The following SLC13A2 variants were observed in gnomAD, a reference collection of about 807,000 sequenced individuals.
The protein encoded by SLC13A2 is solute carrier family 13 member 2.
SLC13A2 carries 40 observed loss-of-function variants against 58.5 expected under a neutral mutation model. The ratio of observed to expected loss-of-function variants is 0.68; its 90% CI spans 0.53 to 0.89. The LOEUF (loss-of-function observed/expected upper bound fraction) is 0.89, where lower values mean the gene tolerates loss of function less well. SLC13A2 is among the 40% of genes least tolerant of loss of function. The pLI, the probability that SLC13A2 is intolerant of heterozygous loss-of-function variation, is 0.00. For missense variants in SLC13A2, 694 were observed against 772.6 expected (o/e 0.90, Z 1.21); for synonymous variants, 341 against 331.6 (o/e 1.03, Z -0.31).
At chr17:28,481,497 A>G (rs2068785932) in intron 1 of SLC13A2, among the ~76,000 whole-genome samples, 1 of 152,224 alleles carries the variant, frequency 6.6e-6, no homozygotes. Context: ...CAGGGAAGCC[A>G]TAGGCGGCTA....
At chr17:28,475,600 G>A (rs916105222) in intron 1 of SLC13A2, among the ~76,000 whole-genome samples, 3 of 152,110 alleles carry the variant, frequency 2.0e-5, no homozygotes, top group Admixed American at 6.5e-5. Context: ...CACCACAAGC[G>A]CACTTTCTCT....
chr17:28,497,244 C>G lies in SLC13A2; in HGVS notation c.1754C>G (p.Ala585Gly). Residue 585 changes from alanine to glycine, a missense_variant, in exon 12 of 12, where the codon GCC becomes GGC. Coordinates refer to ENST00000314669, the MANE Select transcript of SLC13A2 (RefSeq NM_003984.4). ...NTTAQCLPSL[A>G]NTTTPSP ...ACAGCCCAGTGCCTGCCAAGCCTGG[C>G]CAACACCACCACACCAAGCCCCTAG... 1 of 1,613,990 alleles carries G rather than the reference C, an allele frequency of 6.2e-7. No homozygotes were observed.
Position 28,497,247 on chromosome 17 carries a change from ACAC to A in SLC13A2, c.1764_1766del (p.Thr589del), listed in dbSNP as rs781663669. 20 of 1,613,934 alleles carry A rather than the reference ACAC, an allele frequency of 1.2e-5. No homozygotes were observed. The East Asian group carries it at 4.5e-4, about 36-fold the overall frequency. On this transcript the variant is annotated inframe_deletion, in exon 12 of 12. Coordinates refer to ENST00000314669, the MANE Select transcript of SLC13A2 (RefSeq NM_003984.4). ...GCCCAGTGCCTGCCAAGCCTGGCCA[ACAC>A]CACCACACCAAGCCCCTAGGCTGGG... is the stretch of plus-strand genomic sequence containing the variant.
At chr17:28,488,660 G>T (rs1555602464) in intron 1 of SLC13A2, among the ~76,000 whole-genome samples, 1 of 151,204 alleles carries the variant, frequency 6.6e-6, no homozygotes, top group Non-Finnish European at 1.5e-5. Context: ...GCCTATAAAT[G>T]TAAATTGCTC....
intron 1 of SLC13A2, among the ~76,000 whole-genome samples, chr17:28,483,049 G>A (rs889702709): frequency 6.6e-6 from 1 of 152,200 alleles, no homozygotes; most frequent in Admixed American, 6.5e-5. Flanking sequence ...CCACCCTTGG[G>A]TTAACCTTCA....
At chr17:28,479,383 C>G (rs1304262097) in intron 1 of SLC13A2, among the ~76,000 whole-genome samples, 3 of 152,048 alleles carry the variant, frequency 2.0e-5, no homozygotes, top group African/African-American at 7.2e-5. Context: ...AGAGGCCTCA[C>G]TAGATTGCTT....
At chr17:28,478,985 A>G (rs1444081623) in intron 1 of SLC13A2, among the ~76,000 whole-genome samples, 1 of 152,188 alleles carries the variant, frequency 6.6e-6, no homozygotes, top group Non-Finnish European at 1.5e-5. Context: ...TGGGAGGTCA[A>G]GGTGGGTGGA....
intron 4 of SLC13A2, 110 bp from the exon 5 acceptor site, chr17:28,491,327 C>T (rs1378187089): frequency 2.4e-5 from 29 of 1,199,874 alleles, no homozygotes; most frequent in Non-Finnish European, 3.1e-5. Flanking sequence ...CTTCCAGCCC[C>T]GGTCTGGGCT....
At chr17:28,477,091 A>C (rs543082505) in intron 1 of SLC13A2, among the ~76,000 whole-genome samples, 71 of 151,306 alleles carry the variant, frequency 4.7e-4, no homozygotes, top group South Asian at 1.9e-3. Context: ...ACCCAGGAGG[A>C]GGAGGTTGCA....
intron 1 of SLC13A2, among the ~76,000 whole-genome samples, chr17:28,475,208 G>A (rs1375234742): frequency 7.9e-5 from 12 of 152,192 alleles, no homozygotes; most frequent in Admixed American, 7.9e-4. Context: ...ACTTGCCCAG[G>A]TCACACAGGA....
In SLC13A2 at chr17:28,495,760, G is replaced by C; in HGVS notation, c.1414G>C (p.Glu472Gln). 1 of 1,613,206 alleles carries C rather than the reference G, an allele frequency of 6.2e-7. No individual in the cohort carries two copies. Among genetic ancestry groups the C allele is most frequent in the Non-Finnish European group, 8.5e-7 (1 of 1,179,886 alleles). Residue 472 changes from glutamate (E) to glutamine (Q), a missense_variant, in exon 10 of 12, where the codon GAG (glutamate) becomes CAG (glutamine). Physicochemically the swap from Glu to Gln is conservative, Grantham distance 29 (BLOSUM62 2). Coordinates refer to ENST00000314669, the MANE Select transcript of SLC13A2 (RefSeq NM_003984.4). ...ILSLLVATFT[E>Q]CTSNVATTTI... ...CTCCCTCCTGGTGGCCACCTTCACC[G>C]AGTGCACTAGCAACGTGGCCACCAC...
At chr17:28,491,907 C>G (rs974133679) in intron 6 of SLC13A2, 55 bp downstream of exon 6, 1 of 1,583,652 alleles carries the variant, frequency 6.3e-7, no homozygotes, top group Non-Finnish European at 8.6e-7. Context: ...GCCCTGGGAG[C>G]TTCCAGTTGG....
At chr17:28,483,251 C>G (rs1555601430) in intron 1 of SLC13A2, among the ~76,000 whole-genome samples, 1 of 152,186 alleles carries the variant, frequency 6.6e-6, no homozygotes, top group Non-Finnish European at 1.5e-5. Context: ...CCTCATGTAA[C>G]CTCTCTGGTT....
rs782560397 is a variant in SLC13A2 at position 28,491,624 on chromosome 17, G to T, written c.755+7G>T. Reference sequence around the variant, plus strand: ...TGCAAGGCCAGATCAACTCGTGAGTGACAAGGGGTGGGCCACCTTGGGGGA... The same window carrying T: ...TGCAAGGCCAGATCAACTCGTGAGTTACAAGGGGTGGGCCACCTTGGGGGA... On this transcript the variant is annotated splice_region_variant and intron_variant, in intron 5 of 11. Transcript: ENST00000314669. 3.7e-6 allele frequency: 6 copies of T among 1,611,476 alleles called. No individual in the cohort carries two copies. Among genetic ancestry groups the T allele is most frequent in the Non-Finnish European group, 5.1e-6 (6 of 1,178,368 alleles).
At chr17:28,478,244 C>T (rs2068726643) in intron 1 of SLC13A2, among the ~76,000 whole-genome samples, 1 of 152,182 alleles carries the variant, frequency 6.6e-6, no homozygotes, top group African/African-American at 2.4e-5. Context: ...CGGTGGTGCC[C>T]CCGCTGTGAC....
In SLC13A2 at chr17:28,489,293, T is replaced by C; in HGVS notation, c.182T>C (p.Leu61Pro). The C allele has an allele frequency of 6.2e-7, 1 of 1,614,120 alleles. No individual in the cohort carries two copies. Among genetic ancestry groups the C allele is most frequent in the Non-Finnish European group, 8.5e-7 (1 of 1,180,034 alleles). ...TEALPLAVTA[L>P]FPLILFPMMG... ...GCCCTGCCCCTGGCCGTCACTGCCC[T>C]CTTCCCCTTAATCCTGTTCCCTATG... is the stretch of plus-strand genomic sequence containing the variant. Residue 61 changes from leucine (L) to proline (P), a missense_variant, in exon 2 of 12, where the codon CTC becomes CCC. Leu to Pro is a moderately conservative substitution (Grantham distance 98, BLOSUM62 -3). Coordinates refer to ENST00000314669, the MANE Select transcript of SLC13A2 (RefSeq NM_003984.4).
rs908687580 is a variant in SLC13A2, at chr17:28,493,514, C to T, written c.879-57C>T. On this transcript the variant is annotated intron_variant, in intron 6 of 11. Coordinates refer to ENST00000314669, the MANE Select transcript of SLC13A2 (RefSeq NM_003984.4). ...CCTTTAGATGGTAGGCACTCAGAGCCCCTTGCTCCCTGCTGGAGCAGGCCC... is the reference window on the plus strand; with the variant it reads ...CCTTTAGATGGTAGGCACTCAGAGCTCCTTGCTCCCTGCTGGAGCAGGCCC... 178 of 1,452,170 alleles carry T rather than the reference C, an allele frequency of 1.2e-4. 1 individual carries two copies. The East Asian group carries it at 4.1e-3, about 33-fold the overall frequency. The allele number at this position is 1,452,170 out of a possible 1,614,324, so 90.0% of individuals were successfully genotyped here.
chr17:28,491,387 C>T (rs1555603347), intron 4 of SLC13A2, 50 bp from the exon 5 acceptor site: 1 of 1,600,348 alleles, frequency 6.2e-7, no homozygotes, highest in Admixed American at 1.7e-5. Context: ...GCCCCGTTCC[C>T]CAGAGCTGGC....
chr17:28,495,202 C>T (rs1555604403), intron 9 of SLC13A2, among the ~76,000 whole-genome samples: 6 of 152,208 alleles, frequency 3.9e-5, no homozygotes. Context: ...TGGACTGTCC[C>T]TGTCCTCCCA....
Sources: gnomAD v4.1 joint callset for allele counts (sites outside exome capture counted in the v4.1 genomes callset) on GRCh38, gnomAD v4.1.1 for gene constraint, MANE v1.5 for transcripts, NCBI Gene and HGNC (gene_info 2026-07-23, HGNC 2026-07-21) for gene names.